The following CNTN3 variants were observed in gnomAD, a reference collection of about 807,000 sequenced individuals.
The protein encoded by CNTN3 is contactin 3, also known as contactin-3.
CNTN3 carries 60 observed loss-of-function variants against 119.1 expected under a neutral mutation model. The observed-to-expected ratio is 0.50, with a 90% confidence interval of 0.41 to 0.62. The LOEUF is 0.62. CNTN3 is among the 20% of genes least tolerant of loss of function. The pLI is 0.00. For missense variants in CNTN3, 1,101 were observed against 1,242.4 expected, an observed-to-expected ratio of 0.89 and a Z score of 1.71; for synonymous variants, 450 against 438.7, an observed-to-expected ratio of 1.03 and a Z score of -0.32.
chr3:74,400,860 A>T (rs903162905), intron 5 of CNTN3, among the ~76,000 whole-genome samples: 2 of 152,202 alleles, frequency 1.3e-5, no homozygotes, highest in Non-Finnish European at 2.9e-5. Flanking sequence ...ACAAGACTTT[A>T]AGGATTGATT....
intron 4 of CNTN3, among the ~76,000 whole-genome samples, chr3:74,484,657 A>T (rs1702820018): frequency 6.6e-6 from 1 of 152,176 alleles, no homozygotes; most frequent in Non-Finnish European, 1.5e-5. Flanking sequence ...AAGATGAAGA[A>T]AAAATAATCC....
At chr3:74,525,024 G>A (rs1271306713) in intron 1 of CNTN3, among the ~76,000 whole-genome samples, 7 of 151,734 alleles carry the variant, frequency 4.6e-5, no homozygotes, top group African/African-American at 1.2e-4. Flanking sequence ...GGTATTAGTC[G>A]CAGAATAATA....
rs575939749 is a variant in CNTN3, at chr3:74,278,700, A to G, written c.2704+6605T>C. Among the ~76,000 whole-genome samples, 10 of 152,342 alleles carry G rather than the reference A, an allele frequency of 6.6e-5. No individual in the cohort carries two copies. In the East Asian group the frequency reaches 1.5e-3, roughly 24 times the overall value. On this transcript the variant is annotated intron_variant, in intron 20 of 22. Transcript: ENST00000263665. ...AACGCTTCTCAACATTAGCTTAGGC[A>G]AGAATTTCATGACCAAGAACCCAAA...
intron 1 of CNTN3, among the ~76,000 whole-genome samples, chr3:74,606,396 CT>C (rs954788557): frequency 1.3e-5 from 2 of 151,798 alleles, no homozygotes; most frequent in Admixed American, 6.6e-5. Context: ...ACTCTATCCC[CT>C]ATCCTAATCT....
Position 74,371,404 on chromosome 3 carries a change from T to C in CNTN3, c.455-5A>G, listed in dbSNP as rs1202399041. 1 of 1,608,260 alleles carries C rather than the reference T, an allele frequency of 6.2e-7. No homozygotes were observed. Among genetic ancestry groups the C allele is most frequent in the Admixed American group, 1.7e-5 (1 of 59,870 alleles). ...AGATCCAAGCATATGACAGTTCTAA[T>C]AAAATTGTTGAAGAGAGAAAGAAAT... On this transcript the variant is annotated splice_region_variant and splice_polypyrimidine_tract_variant and intron_variant, in intron 5 of 22. Coordinates refer to ENST00000263665, the MANE Select transcript of CNTN3 (RefSeq NM_020872.3).
At chr3:74,428,035 AT>A (rs1701723746) in intron 4 of CNTN3, among the ~76,000 whole-genome samples, 1 of 152,168 alleles carries the variant, frequency 6.6e-6, no homozygotes, top group Admixed American at 6.5e-5. Flanking sequence ...GCCAGACCAT[AT>A]TTACAACAGT....
chr3:74,303,299 A>G (rs1324183698), intron 13 of CNTN3, among the ~76,000 whole-genome samples: 1 of 152,220 alleles, frequency 6.6e-6, no homozygotes, highest in African/African-American at 2.4e-5. Context: ...GAGCTTAAAA[A>G]GCCTAAAGCT....
At chr3:74,286,020 G>T (rs1702110140) in intron 19 of CNTN3, among the ~76,000 whole-genome samples, 1 of 151,622 alleles carries the variant, frequency 6.6e-6, no homozygotes, top group African/African-American at 2.4e-5. Context: ...TTGTGTTTTG[G>T]ATTTAAATAG....
chr3:74,313,843 G>A (rs62269915), intron 13 of CNTN3, among the ~76,000 whole-genome samples: 3 of 152,078 alleles, frequency 2.0e-5, no homozygotes, highest in African/African-American at 7.2e-5. Context: ...TCCTGGATCT[G>A]GGGAAAGACA....
In CNTN3 at chr3:74,450,049, C is replaced by A. The variant is rs74321214; in HGVS notation, c.359-25109G>T. 2.1e-3 allele frequency among the ~76,000 whole-genome samples: 320 copies of A among 152,052 alleles called. 2 individuals are homozygous for A. Among genetic ancestry groups the A allele is most frequent in the African/African-American group, 7.5e-3 (311 of 41,502 alleles). On this transcript the variant is annotated intron_variant, in intron 4 of 22. Coordinates refer to ENST00000263665, the MANE Select transcript of CNTN3 (RefSeq NM_020872.3). ...CAAACTGAGCCTATCCTCCCAATAG[C>A]CCTTACCTAAGAAACAAGAATTGTC... is the stretch of plus-strand genomic sequence containing the variant.
At chr3:74,436,964 A>G (rs745710080) in intron 4 of CNTN3, among the ~76,000 whole-genome samples, 5 of 152,174 alleles carry the variant, frequency 3.3e-5, no homozygotes, top group African/African-American at 7.2e-5. Flanking sequence ...AAAACAAAAA[A>G]CACACACAGT....
intron 1 of CNTN3, among the ~76,000 whole-genome samples, chr3:74,602,295 C>CAAAAAA (rs1167052275): frequency 5.1e-5 from 1 of 19,688 alleles, no homozygotes; most frequent in Admixed American, 6.0e-4. Context: ...GACCTGGTCT[C>CAAAAAA]AAAAAAAAAA....
chr3:74,353,628 C>T lies in CNTN3; in HGVS notation c.1364+8262G>A, dbSNP rs1486015977. Among the ~76,000 whole-genome samples the T allele has an allele frequency of 9.2e-5, 14 of 152,012 alleles. No homozygotes were observed. In the East Asian group the frequency reaches 2.1e-3, roughly 23 times the overall value. ...AAAATTAGCCGGGCGTGGTGGCAGG[C>T]GCCTGTAGTCCCAGCTACTCGGGAG... is the stretch of plus-strand genomic sequence containing the variant. On this transcript the variant is annotated intron_variant, in intron 11 of 22. Transcript: ENST00000263665.
At chr3:74,466,916 C>T (rs1342514612) in intron 4 of CNTN3, among the ~76,000 whole-genome samples, 1 of 152,098 alleles carries the variant, frequency 6.6e-6, no homozygotes, top group Admixed American at 6.6e-5. Flanking sequence ...GTTTTAATCA[C>T]AGTCTGCACA....
At chr3:74,544,144 A>T (rs1404601346) in intron 1 of CNTN3, among the ~76,000 whole-genome samples, 3 of 152,172 alleles carry the variant, frequency 2.0e-5, no homozygotes. Context: ...GAGGCAGAAA[A>T]TACATTGAGG....
Position 74,369,956 on chromosome 3 carries a change from G to T in CNTN3, c.694C>A (p.Gln232Lys), listed in dbSNP as rs1463329571. Residue 232 changes from glutamine to lysine, a missense_variant, in exon 7 of 23, where the codon CAG becomes AAG. By Grantham distance (53) the Gln-to-Lys change is moderately conservative. Transcript: ENST00000263665. ...GCTGCTGGAAGAGTTTCTGGAAACT[G>T]AACTTCTATTTTAGGTTCATATTCA... ...MGEYEPKIEVQFPETLPAAKG... is the reference protein window; with the variant it reads ...MGEYEPKIEVKFPETLPAAKG... The T allele has an allele frequency of 1.9e-6, 3 of 1,605,344 alleles. No homozygotes were observed. The East Asian group carries it at 6.7e-5, about 36-fold the overall frequency.
chr3:74,416,753 C>T (rs986519788), intron 5 of CNTN3, among the ~76,000 whole-genome samples: 8 of 152,042 alleles, frequency 5.3e-5, no homozygotes, highest in African/African-American at 1.4e-4. Flanking sequence ...TTTAGGAGGC[C>T]GAAGCGGTTG....
chr3:74,613,034 A>C (rs1455351910), intron 1 of CNTN3, among the ~76,000 whole-genome samples: 2 of 152,226 alleles, frequency 1.3e-5, no homozygotes, highest in Non-Finnish European at 2.9e-5. Context: ...AGCCAAAGTC[A>C]GGTTACTGTT....
intron 3 of CNTN3, 37 bp from the exon 4 acceptor site, chr3:74,486,668 T>A (rs1702865615): frequency 2.7e-6 from 4 of 1,470,000 alleles, no homozygotes; most frequent in Non-Finnish European, 3.6e-6. Flanking sequence ...CCCCTTAGTA[T>A]TTTTAACTTA....
Sources: allele counts gnomAD v4.1 joint callset (sites outside exome capture counted in the v4.1 genomes callset), GRCh38; gene constraint gnomAD v4.1.1; transcripts MANE v1.5; gene names NCBI Gene and HGNC (gene_info 2026-07-23, HGNC 2026-07-21).